Variants in HTT observed in about 807,000 individuals in gnomAD.
HTT encodes huntingtin, also known as huntington disease protein.
In HTT, 104 loss-of-function variants were observed where a neutral mutation model predicts 362.3. The observed-to-expected ratio is 0.29, with a 90% confidence interval of 0.24 to 0.34. HTT has a LOEUF of 0.34. HTT is among the 10% of genes least tolerant of loss of function. HTT has a pLI of 1.00. For missense variants in HTT, 3,301 were observed against 3,928.6 expected (o/e 0.84, Z 4.27); for synonymous variants, 1,577 against 1,548.7 (o/e 1.02, Z -0.43).
At chr4:3,150,846 C>G (rs568865380) in intron 26 of HTT, among the ~76,000 whole-genome samples, 1 of 152,170 alleles carries the variant, frequency 6.6e-6, no homozygotes, top group Non-Finnish European at 1.5e-5. Context: ...ACCATTCCGG[C>G]TCACACGGTG....
chr4:3,195,249 T>C (rs1719192869), intron 40 of HTT, among the ~76,000 whole-genome samples: 1 of 152,196 alleles, frequency 6.6e-6, no homozygotes, highest in South Asian at 2.1e-4. Flanking sequence ...GGAATTGGGA[T>C]GCGATCCCAC....
At chr4:3,080,531 A>G (rs968774784) in intron 1 of HTT, among the ~76,000 whole-genome samples, 1 of 152,022 alleles carries the variant, frequency 6.6e-6, no homozygotes, top group African/African-American at 2.4e-5. Flanking sequence ...GATTTGTAAA[A>G]ACTCTCCCTT....
At chr4:3,094,063 C>CA (rs1463869827) in intron 2 of HTT, among the ~76,000 whole-genome samples, 3 of 151,804 alleles carry the variant, frequency 2.0e-5, no homozygotes, top group Non-Finnish European at 4.4e-5. Context: ...AGGGCCCTGC[C>CA]ACGTTCTGCA....
chr4:3,080,314 C>T (rs182396117), intron 1 of HTT, among the ~76,000 whole-genome samples: 36 of 151,834 alleles, frequency 2.4e-4, no homozygotes, highest in African/African-American at 7.5e-4. Context: ...AGGCTGGTCT[C>T]GAACTTCTGA....
At position 3,127,464 on chromosome 4, in the gene HTT, A is replaced by G. The variant is rs1398528968; in HGVS notation, c.1603A>G (p.Ser535Gly). The change falls in exon 12 of 67, where the codon AGC becomes GGC. Residue 535 changes from serine (S) to glycine (G), a missense_variant. Physicochemically the swap from Ser to Gly is moderately conservative, Grantham distance 56. This residue lies in a region of HTT where 2,316 missense variants were observed against 2,658.5 expected (regional missense o/e 0.87). Transcript: ENST00000355072. The part of the protein sequence containing the change: ...DEEDILSHSS[S>G]QVSAVPSDPA... Reference sequence around the variant, plus strand: ...GGAGGATATCTTGAGCCACAGCTCCAGCCAGGTCAGCGCCGTCCCATCTGA... The same window carrying G: ...GGAGGATATCTTGAGCCACAGCTCCGGCCAGGTCAGCGCCGTCCCATCTGA... 4 of 1,614,182 alleles carry G rather than the reference A, an allele frequency of 2.5e-6. No individual in the cohort carries two copies. Among genetic ancestry groups the G allele is most frequent in the Non-Finnish European group, 3.4e-6 (4 of 1,180,016 alleles).
At chr4:3,231,199 C>T (rs1017012255) in intron 60 of HTT, among the ~76,000 whole-genome samples, 3 of 152,256 alleles carry the variant, frequency 2.0e-5, no homozygotes, top group Non-Finnish European at 4.4e-5. Context: ...TCAACAAACA[C>T]CTGAGTGGCT....
At chr4:3,210,929 T>A (rs1720126985) in intron 47 of HTT, among the ~76,000 whole-genome samples, 1 of 144,552 alleles carries the variant, frequency 6.9e-6, no homozygotes, top group African/African-American at 2.7e-5. Context: ...TGAGACAAAG[T>A]CTCGCTGTTG....
chr4:3,152,158 G>C (rs543796058), intron 26 of HTT, among the ~76,000 whole-genome samples: 316 of 151,586 alleles, frequency 2.1e-3, no homozygotes, highest in African/African-American at 6.4e-3. Flanking sequence ...GAGTGGGTTG[G>C]CGCGATCTCA....
intron 11 of HTT, among the ~76,000 whole-genome samples, chr4:3,126,093 G>T (rs1469230538): frequency 2.0e-5 from 3 of 152,138 alleles, no homozygotes; most frequent in Admixed American, 6.5e-5. Flanking sequence ...CAGATACCCA[G>T]TGTCACTGGA....
At chr4:3,214,450 T>C (rs929027682) in intron 50 of HTT, among the ~76,000 whole-genome samples, 1 of 152,264 alleles carries the variant, frequency 6.6e-6, no homozygotes, top group Non-Finnish European at 1.5e-5. Context: ...TTTAGTCTTA[T>C]ATGATCATAA....
At chr4:3,176,021 G>GTTT (rs1560580460) in intron 33 of HTT, among the ~76,000 whole-genome samples, 1 of 132,832 alleles carries the variant, frequency 7.5e-6, no homozygotes, top group African/African-American at 3.4e-5. Context: ...TGTTGTTGTT[G>GTTT]TTTGTTTTTT....
intron 41 of HTT, among the ~76,000 whole-genome samples, chr4:3,200,904 A>C (rs1719500475): frequency 6.6e-6 from 1 of 152,224 alleles, no homozygotes; most frequent in Non-Finnish European, 1.5e-5. Context: ...TGCTGCTTTA[A>C]CGTGCATAGA....
chr4:3,192,234 C>A (rs965617099), intron 40 of HTT, among the ~76,000 whole-genome samples: 1 of 152,062 alleles, frequency 6.6e-6, no homozygotes, highest in Non-Finnish European at 1.5e-5. Context: ...ACCAACATGC[C>A]TGGATAGGTT....
At chr4:3,121,690 T>A in intron 9 of HTT, 2 of 154,914 alleles carry the variant, frequency 1.3e-5, no homozygotes, top group Non-Finnish European at 1.3e-5. Context: ...AGACCCTGTC[T>A]CTACAAAAAA....
At position 3,228,702 on chromosome 4, in the gene HTT, G is replaced by A. The variant is rs555039658; in HGVS notation, c.7936G>A (p.Ala2646Thr). Reference sequence around the variant, plus strand: ...CGAGGAAGAGGAGGAGGAGGCCGACGCCCCTGCACCTTCGTCACCACCCAC... The same window carrying A: ...CGAGGAAGAGGAGGAGGAGGCCGACACCCCTGCACCTTCGTCACCACCCAC... Reference protein sequence around the residue: ...WDEEEEEEADAPAPSSPPTSP... With the variant: ...WDEEEEEEADTPAPSSPPTSP... Residue 2646 changes from alanine to threonine, a missense_variant, in exon 58 of 67, where the codon GCC becomes ACC. By Grantham distance (58) the Ala-to-Thr change is moderately conservative. Transcript: ENST00000355072. The surrounding 1 kb of genome is among the most constrained non-coding windows in gnomAD (Gnocchi z 4.3). 3.9e-5 allele frequency: 62 copies of A among 1,608,666 alleles called. No homozygotes were observed. The South Asian group carries it at 4.6e-4, about 12-fold the overall frequency.
chr4:3,114,244 C>T (rs1169892049), intron 6 of HTT, among the ~76,000 whole-genome samples: 1 of 152,224 alleles, frequency 6.6e-6, no homozygotes, highest in Non-Finnish European at 1.5e-5. Context: ...GTTTTCCACC[C>T]TGGGTGGGCC....
intron 3 of HTT, among the ~76,000 whole-genome samples, chr4:3,101,164 T>C (rs953709021): frequency 6.6e-6 from 1 of 152,230 alleles, no homozygotes; most frequent in African/African-American, 2.4e-5. Flanking sequence ...TGTTCTAATA[T>C]TGGTCATTTA....
chr4:3,236,036 T>G, intron 63 of HTT, 113 bp from the exon 64 acceptor site: 1 of 836,044 alleles, frequency 1.2e-6, no homozygotes, highest in Non-Finnish European at 2.1e-6. Context: ...GGGGCTGATA[T>G]CACCTGCTTT....
Position 3,228,942 on chromosome 4 carries a change from G to T in HTT, c.8042G>T (p.Arg2681Leu). The T allele has an allele frequency of 6.2e-7, 1 of 1,613,680 alleles. No individual in the cohort carries two copies. The highest frequency in any genetic ancestry group is 8.5e-7 in the Non-Finnish European group (1 of 1,179,780). ...CSQFLLELYS[R>L]WILPSSSARR... ...CAGTTTTTGCTTGAGTTGTACAGCC[G>T]CTGGATCCTGCCGTCCAGCTCAGCC... The change falls in exon 59 of 67, where the codon CGC becomes CTC. Residue 2681 changes from arginine (R) to leucine (L), a missense_variant. Transcript: ENST00000355072. This position sits in a 1 kb window ranked among gnomAD's most constrained non-coding sequence, Gnocchi z 4.3.
Sources: gnomAD v4.1 joint callset for allele counts (sites outside exome capture counted in the v4.1 genomes callset) on GRCh38, gnomAD v4.1.1 for gene constraint, gnomAD v4.1.1 regional missense constraint, Gnocchi (gnomAD v3.1) non-coding constraint, MANE v1.5 for transcripts, NCBI Gene and HGNC (gene_info 2026-07-23, HGNC 2026-07-21) for gene names.